CDH13: variants seen among roughly 807,000 people sequenced by gnomAD.
CDH13 encodes the protein cadherin 13.
A neutral mutation model predicts 63.8 loss-of-function variants in CDH13; 24 were observed. The observed-to-expected ratio is 0.38, with a 90% CI of 0.27 to 0.53. The LOEUF (loss-of-function observed/expected upper bound fraction) is 0.53. CDH13 is among the 20% of genes least tolerant of loss of function. CDH13 has a pLI of 0.85. For missense variants in CDH13, 1,049 were observed against 903.1 expected (o/e 1.16, Z -2.07); for synonymous variants, 503 against 355.3 (o/e 1.42, Z -4.67).
At chr16:83,650,706 T>G (rs8055239) in intron 8 of CDH13, among the ~76,000 whole-genome samples, 151,945 of 152,280 alleles carry the variant, frequency 1, 75,805 homozygotes, top group Middle Eastern at 1. Context: ...CAATTATCCA[T>G]CCCAGAATGT....
chr16:83,580,448 T>TTCTCTCTCTC (rs55664829), intron 7 of CDH13, among the ~76,000 whole-genome samples: 84 of 76,412 alleles, frequency 1.1e-3, no homozygotes, highest in East Asian at 4.3e-3. Flanking sequence ...TTCTGTTCAT[T>TTCTCTCTCTC]TCTCTCTCTC....
At chr16:82,732,203 C>T (rs2033439266) in intron 1 of CDH13, among the ~76,000 whole-genome samples, 1 of 152,100 alleles carries the variant, frequency 6.6e-6, no homozygotes, top group Non-Finnish European at 1.5e-5. Flanking sequence ...TCTTCTTTAT[C>T]ATCGTGTCTT....
chr16:82,707,729 G>A (rs2031604997), intron 1 of CDH13, among the ~76,000 whole-genome samples: 1 of 152,174 alleles, frequency 6.6e-6, no homozygotes. Context: ...TTTGCACAAA[G>A]TAGGCACTCA....
At chr16:83,311,874 A>G (rs894326562) in intron 5 of CDH13, among the ~76,000 whole-genome samples, 2 of 152,182 alleles carry the variant, frequency 1.3e-5, no homozygotes, top group East Asian at 3.9e-4. Flanking sequence ...TAGGATTTCG[A>G]GACCAACCTG....
chr16:83,697,594 G>T (rs1598500817), intron 10 of CDH13, among the ~76,000 whole-genome samples: 1 of 152,214 alleles, frequency 6.6e-6, no homozygotes, highest in African/African-American at 2.4e-5. Context: ...GTATTGATGA[G>T]TTGACAAAAA....
intron 11 of CDH13, among the ~76,000 whole-genome samples, chr16:83,749,554 C>G (rs767047974): frequency 1.3e-5 from 2 of 152,182 alleles, no homozygotes; most frequent in Non-Finnish European, 2.9e-5. Flanking sequence ...GTCACATCTT[C>G]AAAGCCAGAT....
At chr16:83,630,205 C>T (rs1910655182) in intron 8 of CDH13, among the ~76,000 whole-genome samples, 1 of 152,104 alleles carries the variant, frequency 6.6e-6, no homozygotes, top group Admixed American at 6.5e-5. Context: ...GGTTATTTTT[C>T]AGTATGATGG....
At chr16:82,662,362 T>A (rs1385271142) in intron 1 of CDH13, among the ~76,000 whole-genome samples, 1 of 152,252 alleles carries the variant, frequency 6.6e-6, no homozygotes, top group Non-Finnish European at 1.5e-5. Context: ...TTTCTTCACA[T>A]GTGTATTGTC....
At chr16:82,706,912 C>G (rs560715935) in intron 1 of CDH13, among the ~76,000 whole-genome samples, 1 of 152,118 alleles carries the variant, frequency 6.6e-6, no homozygotes, top group Admixed American at 6.5e-5. Context: ...AATGTTTTTA[C>G]GAATATTCTA....
chr16:82,719,243 C>T, intron 1 of CDH13: 1 of 356,398 alleles, frequency 2.8e-6, no homozygotes, highest in South Asian at 2.2e-5. Flanking sequence ...AACCTCACAT[C>T]ACTGCCATTG....
At chr16:83,780,277 C>G in intron 12 of CDH13, 76 bp downstream of exon 12, 1 of 938,926 alleles carries the variant, frequency 1.1e-6, no homozygotes, top group Non-Finnish European at 1.6e-6. Flanking sequence ...TGCTGTTTCT[C>G]TACTGTTCTC....
At chr16:83,772,454 C>T (rs531615431) in intron 11 of CDH13, among the ~76,000 whole-genome samples, 10 of 152,192 alleles carry the variant, frequency 6.6e-5, no homozygotes, top group African/African-American at 9.7e-5. Context: ...AAATGCCAGT[C>T]TGCAACTGCT....
At chr16:82,973,759 T>C (rs979395969) in intron 2 of CDH13, among the ~76,000 whole-genome samples, 1 of 152,200 alleles carries the variant, frequency 6.6e-6, no homozygotes, top group Non-Finnish European at 1.5e-5. Context: ...TTTTCTAGTC[T>C]CCTAGGCAGC....
chr16:83,349,552 C>G (rs2090907738), intron 6 of CDH13, among the ~76,000 whole-genome samples: 1 of 151,366 alleles, frequency 6.6e-6, no homozygotes, highest in South Asian at 2.1e-4. Flanking sequence ...AGGTGAGGTA[C>G]AGAAAAGGAA....
At chr16:83,529,827 G>T (rs965279172) in intron 7 of CDH13, among the ~76,000 whole-genome samples, 3 of 152,166 alleles carry the variant, frequency 2.0e-5, no homozygotes, top group Admixed American at 1.3e-4. Flanking sequence ...CATTTGGTCA[G>T]GTGATTATGG....
intron 1 of CDH13, among the ~76,000 whole-genome samples, chr16:82,755,202 C>A (rs1417355885): frequency 6.6e-6 from 1 of 152,294 alleles, no homozygotes; most frequent in South Asian, 2.1e-4. Context: ...AGCCCTACTC[C>A]ATGTTTCCCT....
At chr16:83,552,218 G>C (rs993596311) in intron 7 of CDH13, among the ~76,000 whole-genome samples, 7 of 152,190 alleles carry the variant, frequency 4.6e-5, no homozygotes, top group Non-Finnish European at 1.0e-4. Context: ...TGTGGACCTA[G>C]TTGGGCGTAT....
chr16:83,042,369 A>G (rs1317734914), intron 3 of CDH13, among the ~76,000 whole-genome samples: 1 of 152,178 alleles, frequency 6.6e-6, no homozygotes, highest in African/African-American at 2.4e-5. Context: ...TGTAAATTGC[A>G]CATGCAAGAG....
chr16:83,499,550 T>C (rs1221488275), intron 7 of CDH13, among the ~76,000 whole-genome samples: 1 of 152,264 alleles, frequency 6.6e-6, no homozygotes, highest in Non-Finnish European at 1.5e-5. Flanking sequence ...TCTCATATCA[T>C]TGTTAATGCT....
Sources: allele counts gnomAD v4.1 joint callset (sites outside exome capture counted in the v4.1 genomes callset), GRCh38; gene constraint gnomAD v4.1.1; transcripts MANE v1.5; gene names NCBI Gene and HGNC (gene_info 2026-07-23, HGNC 2026-07-21).